The following ASTN2 variants were observed in gnomAD, a reference collection of about 807,000 sequenced individuals.
ASTN2 encodes the protein astrotactin-2.
In ASTN2, 54 loss-of-function variants were observed where a neutral mutation model predicts 139.8. The observed-to-expected ratio is 0.39, with a 90% CI of 0.31 to 0.48. ASTN2 has a LOEUF of 0.48. ASTN2 is among the 20% of genes least tolerant of loss of function. The pLI is 0.95. For missense variants in ASTN2, 1,565 were observed against 1,725.1 expected, an observed-to-expected ratio of 0.91 and a Z score of 1.64; for synonymous variants, 756 against 719.5, an observed-to-expected ratio of 1.05 and a Z score of -0.81.
At chr9:116,704,942 A>T (rs1363219004) in intron 16 of ASTN2, among the ~76,000 whole-genome samples, 1 of 152,346 alleles carries the variant, frequency 6.6e-6, no homozygotes, top group East Asian at 1.9e-4. Context: ...GCACAGGTAG[A>T]GATGAAATTT....
rs769907988 is a variant in ASTN2 at position 117,214,663 on chromosome 9, C to T, written c.710G>A (p.Arg237His). The change falls in exon 3 of 23, where the codon CGC becomes CAC. Residue 237 changes from arginine to histidine, a missense_variant. Arg to His is a conservative substitution (Grantham distance 29). Around this residue, in one of 4 missense-constraint regions of ASTN2, gnomAD observed 596 missense variants for 576.8 expected, o/e 1.03. Coordinates refer to ENST00000313400, the MANE Select transcript of ASTN2 (RefSeq NM_001365068.1). Reference protein sequence around the residue: ...LYAQRRWQKRRRIPQKSASTE... With the variant: ...LYAQRRWQKRHRIPQKSASTE... ...GCTTGCGCTCTTCTGGGGGATGCGG[C>T]GACGCTTCTGCCAACGTCGCTGGGC... 3.9e-6 allele frequency: 6 copies of T among 1,543,616 alleles called. No homozygotes were observed. The highest frequency in any genetic ancestry group is 1.2e-5 in the South Asian group (1 of 80,486).
intron 1 of ASTN2, among the ~76,000 whole-genome samples, chr9:117,396,263 A>G (rs920033858): frequency 2.0e-5 from 3 of 152,182 alleles, no homozygotes; most frequent in Non-Finnish European, 4.4e-5. Context: ...TATATTTCAA[A>G]AGCTTACAGC....
chr9:117,026,635 A>G (rs1028281410), intron 6 of ASTN2, among the ~76,000 whole-genome samples: 1 of 152,080 alleles, frequency 6.6e-6, no homozygotes, highest in African/African-American at 2.4e-5. Flanking sequence ...TATCTTATGA[A>G]CTCAATATGG....
intron 10 of ASTN2, among the ~76,000 whole-genome samples, chr9:116,930,465 G>C (rs1010653207): frequency 1.3e-5 from 2 of 152,028 alleles, no homozygotes; most frequent in African/African-American, 4.8e-5. Context: ...AAAAGGGGAT[G>C]GCACCCAAGA....
intron 1 of ASTN2, among the ~76,000 whole-genome samples, chr9:117,336,265 G>A (rs1014310885): frequency 6.6e-6 from 1 of 152,130 alleles, no homozygotes; most frequent in African/African-American, 2.4e-5. Context: ...ATAATCCTTT[G>A]TAAGATGTCA....
intron 5 of ASTN2, among the ~76,000 whole-genome samples, chr9:117,060,407 AAAG>A (rs1378659382): frequency 1.6e-5 from 1 of 61,460 alleles, no homozygotes; most frequent in African/African-American, 1.0e-4. Context: ...AGAAAGAAAG[AAAG>A]AAGGAAAGGA....
chr9:116,921,816 G>A (rs1834619481), intron 10 of ASTN2, among the ~76,000 whole-genome samples: 1 of 152,100 alleles, frequency 6.6e-6, no homozygotes, highest in Non-Finnish European at 1.5e-5. Flanking sequence ...TCACCATTAT[G>A]AGAACAGTAT....
intron 19 of ASTN2, chr9:116,613,231 T>C (rs560728707): frequency 6.6e-6 from 1 of 152,312 alleles, no homozygotes; most frequent in South Asian, 2.1e-4. Flanking sequence ...GAGGCCATAA[T>C]TAATAGCCTA....
intron 2 of ASTN2, among the ~76,000 whole-genome samples, chr9:117,228,601 G>T (rs1359998105): frequency 5.9e-5 from 9 of 152,136 alleles, no homozygotes; most frequent in Non-Finnish European, 1.0e-4. Flanking sequence ...GTGCTCTGTG[G>T]CATGATAGGA....
intron 1 of ASTN2, among the ~76,000 whole-genome samples, chr9:117,325,154 C>G (rs1318619230): frequency 2.0e-5 from 3 of 152,158 alleles, no homozygotes; most frequent in African/African-American, 7.2e-5. Context: ...GAGACGCCAT[C>G]TGAAGCATAG....
At chr9:116,528,633 A>G (rs1851196221) in intron 19 of ASTN2, among the ~76,000 whole-genome samples, 1 of 152,240 alleles carries the variant, frequency 6.6e-6, no homozygotes, top group Non-Finnish European at 1.5e-5. Flanking sequence ...GGGAAAATAT[A>G]TTCAGGGCAT....
chr9:117,223,081 C>G (rs147929400), intron 2 of ASTN2, among the ~76,000 whole-genome samples: 1 of 152,252 alleles, frequency 6.6e-6, no homozygotes, highest in Non-Finnish European at 1.5e-5. Flanking sequence ...GACTTTTAGA[C>G]ACTGAGGATC....
At chr9:116,851,586 G>A (rs2296673) in intron 11 of ASTN2, among the ~76,000 whole-genome samples, 35,370 of 151,520 alleles carry the variant, frequency 0.23, 4,264 homozygotes, top group Middle Eastern at 0.29. Context: ...CTATTTGGAG[G>A]TGACATGACT....
At chr9:116,771,831 T>TTAGAAATTG (rs1829960277) in intron 13 of ASTN2, among the ~76,000 whole-genome samples, 1 of 152,134 alleles carries the variant, frequency 6.6e-6, no homozygotes, top group Admixed American at 6.5e-5. Context: ...TCTCTTTCAT[T>TTAGAAATTG]TAGAAATTGT....
intron 2 of ASTN2, among the ~76,000 whole-genome samples, chr9:117,262,957 A>T (rs986966471): frequency 2.0e-5 from 3 of 152,138 alleles, no homozygotes; most frequent in African/African-American, 7.2e-5. Context: ...AGGAAATCAT[A>T]TTCTCCCCTA....
intron 13 of ASTN2, among the ~76,000 whole-genome samples, chr9:116,784,327 C>T (rs1830303601): frequency 6.6e-6 from 1 of 152,208 alleles, no homozygotes; most frequent in Non-Finnish European, 1.5e-5. Context: ...AACACTGGCT[C>T]TTCTCTGTAA....
At chr9:116,533,396 T>C (rs1226751728) in intron 19 of ASTN2, among the ~76,000 whole-genome samples, 2 of 152,222 alleles carry the variant, frequency 1.3e-5, no homozygotes, top group African/African-American at 4.8e-5. Context: ...CCCAACGCTA[T>C]GTTGAATAGG....
Position 117,324,480 on chromosome 9 carries a change from C to T in ASTN2, c.443-32967G>A, listed in dbSNP as rs551320775. On this transcript the variant is annotated intron_variant, in intron 1 of 22. Coordinates refer to ENST00000313400, the MANE Select transcript of ASTN2 (RefSeq NM_001365068.1). Reference sequence around the variant, plus strand: ...GAAGAGTGAGTGAAAGAGGGACTTGCCAAACACTTACAAAACCATCATATC... The same window carrying T: ...GAAGAGTGAGTGAAAGAGGGACTTGTCAAACACTTACAAAACCATCATATC... Among the ~76,000 whole-genome samples, 45 of 152,176 alleles carry T rather than the reference C, an allele frequency of 3.0e-4. No individual in the cohort carries two copies. In the South Asian group the frequency reaches 9.1e-3, roughly 31 times the overall value.
At chr9:116,535,010 G>A (rs962354979) in intron 19 of ASTN2, among the ~76,000 whole-genome samples, 8 of 152,150 alleles carry the variant, frequency 5.3e-5, no homozygotes, top group Admixed American at 4.6e-4. Context: ...CTCTTTGTAG[G>A]TCTCTAAGGA....
Sources: allele counts gnomAD v4.1 joint callset (sites outside exome capture counted in the v4.1 genomes callset), GRCh38; gene constraint gnomAD v4.1.1; regional missense constraint gnomAD v4.1.1; transcripts MANE v1.5; gene names NCBI Gene and HGNC (gene_info 2026-07-23, HGNC 2026-07-21).